Variants in ARHGAP15 observed in about 807,000 individuals in gnomAD.
ARHGAP15 encodes the protein Rho GTPase activating protein 15.
ARHGAP15 carries 51 observed loss-of-function variants against 63.7 expected under a neutral mutation model. The ratio of observed to expected loss-of-function variants is 0.80; its 90% CI spans 0.64 to 1.01. ARHGAP15 has a LOEUF of 1.01. Among genes scored for constraint, ARHGAP15 ranks in the 50% least tolerant of loss-of-function variants. The probability of loss-of-function intolerance (pLI) is 0.00; values close to 1 mark genes in which losing one functional copy is unlikely to be tolerated. For missense variants in ARHGAP15, 560 were observed against 564.6 expected (o/e 0.99, Z 0.08); for synonymous variants, 191 against 193.8 (o/e 0.99, Z 0.12).
chr2:143,725,739 T>C (rs1446786031), intron 13 of ARHGAP15, among the ~76,000 whole-genome samples: 1 of 152,228 alleles, frequency 6.6e-6, no homozygotes, highest in Non-Finnish European at 1.5e-5. Context: ...GAATAATTAA[T>C]ATAACAAAAC....
chr2:143,478,672 T>C (rs1007342546), intron 8 of ARHGAP15, among the ~76,000 whole-genome samples: 1 of 152,018 alleles, frequency 6.6e-6, no homozygotes, highest in African/African-American at 2.4e-5. Context: ...AATTCCTTAT[T>C]ATATAGCAAA....
chr2:143,758,296 A>T (rs984050035), intron 13 of ARHGAP15, among the ~76,000 whole-genome samples: 3 of 151,506 alleles, frequency 2.0e-5, no homozygotes, highest in African/African-American at 7.3e-5. Flanking sequence ...ATATATAAAT[A>T]TATATAAAAT....
chr2:143,271,823 A>G (rs1378652425), intron 6 of ARHGAP15, among the ~76,000 whole-genome samples: 2 of 152,076 alleles, frequency 1.3e-5, no homozygotes, highest in Non-Finnish European at 2.9e-5. Flanking sequence ...GTTCTAACAA[A>G]CTCATTCACT....
intron 6 of ARHGAP15, among the ~76,000 whole-genome samples, chr2:143,433,489 T>C (rs1689475364): frequency 6.6e-6 from 1 of 152,098 alleles, no homozygotes; most frequent in Non-Finnish European, 1.5e-5. Flanking sequence ...AATCACTGAT[T>C]ATGTATGATT....
rs1683273668 is a variant in ARHGAP15 at position 143,308,362 on chromosome 2, T to C, written c.474+57762T>C. Among the ~76,000 whole-genome samples the C allele has an allele frequency of 3.3e-5, 5 of 152,050 alleles. No homozygotes were observed. In the South Asian group the frequency reaches 1.0e-3, roughly 32 times the overall value. On this transcript the variant is annotated intron_variant, in intron 6 of 13. Coordinates refer to ENST00000295095, the MANE Select transcript of ARHGAP15 (RefSeq NM_018460.4). ...GCCAGAAAGAACCACCATGGGATTC[T>C]TGAGGTCGCACTAGCTCACTGGATA... is the stretch of plus-strand genomic sequence containing the variant.
intron 6 of ARHGAP15, among the ~76,000 whole-genome samples, chr2:143,325,937 A>G (rs1437133497): frequency 2.0e-5 from 3 of 152,166 alleles, no homozygotes; most frequent in Non-Finnish European, 4.4e-5. Context: ...TTCCCTAAAT[A>G]TTGCCCACAC....
At chr2:143,258,137 A>G (rs1680517298) in intron 6 of ARHGAP15, among the ~76,000 whole-genome samples, 1 of 152,216 alleles carries the variant, frequency 6.6e-6, no homozygotes, top group South Asian at 2.1e-4. Context: ...ACAGGATGAA[A>G]TAAAATTGAG....
chr2:143,219,299 G>T (rs1459724657), intron 4 of ARHGAP15, among the ~76,000 whole-genome samples: 1 of 152,160 alleles, frequency 6.6e-6, no homozygotes, highest in African/African-American at 2.4e-5. Context: ...AATAGGCTAT[G>T]CCATATAGCC....
intron 13 of ARHGAP15, among the ~76,000 whole-genome samples, chr2:143,746,892 G>A (rs1039995331): frequency 1.3e-5 from 2 of 152,156 alleles, no homozygotes; most frequent in Non-Finnish European, 2.9e-5. Flanking sequence ...AATAAAAATA[G>A]TAGTAATATA....
chr2:143,155,664 A>C lies in ARHGAP15; in HGVS notation c.165+9A>C. The C allele has an allele frequency of 4.5e-6, 7 of 1,541,566 alleles. No homozygotes were observed. The highest frequency in any genetic ancestry group is 6.1e-6 in the Non-Finnish European group (7 of 1,150,092). On this transcript the variant is annotated intron_variant, in intron 2 of 13. Transcript: ENST00000295095. ...GGAAGGTCACTGAACCTGTAAGTCA[A>C]ATACCCCAAATATCCCAAGTTCCTT...
intron 13 of ARHGAP15, among the ~76,000 whole-genome samples, chr2:143,755,405 G>A (rs1302191381): frequency 6.6e-6 from 1 of 151,978 alleles, no homozygotes; most frequent in Non-Finnish European, 1.5e-5. Context: ...TTACTGTTTT[G>A]AAGCAGTCTT....
chr2:143,188,473 A>C (rs1691533905), intron 2 of ARHGAP15, among the ~76,000 whole-genome samples: 1 of 151,818 alleles, frequency 6.6e-6, no homozygotes, highest in Non-Finnish European at 1.5e-5. Flanking sequence ...CTTTTAAAAA[A>C]TTTCCTCCCA....
rs115567796 is a variant in ARHGAP15, at chr2:143,199,213, G to A, written c.166-2921G>A. On this transcript the variant is annotated intron_variant, in intron 2 of 13. Coordinates refer to ENST00000295095, the MANE Select transcript of ARHGAP15 (RefSeq NM_018460.4). The stretch of plus-strand genomic sequence containing the variant: ...ATCACTCCCATTAACTAAGTATTCT[G>A]CCCTCAGTTTCCTCATGCATAGACC... 9.2e-3 allele frequency among the ~76,000 whole-genome samples: 1,395 copies of A among 152,116 alleles called. 26 individuals carry two copies. Among genetic ancestry groups the A allele is most frequent in the African/African-American group, 0.032 (1,323 of 41,528 alleles).
chr2:143,386,816 T>TTTG (rs918831279), intron 6 of ARHGAP15, among the ~76,000 whole-genome samples: 1 of 150,894 alleles, frequency 6.6e-6, no homozygotes, highest in African/African-American at 2.4e-5. Context: ...TTTGGTTTCT[T>TTTG]TTGTTGTTGT....
chr2:143,381,790 C>T (rs1687063486), intron 6 of ARHGAP15, among the ~76,000 whole-genome samples: 1 of 152,116 alleles, frequency 6.6e-6, no homozygotes, highest in Admixed American at 6.6e-5. Context: ...CCAGTGTTTC[C>T]TGAGCAATAG....
At chr2:143,398,413 G>A (rs1237322004) in intron 6 of ARHGAP15, among the ~76,000 whole-genome samples, 5 of 152,078 alleles carry the variant, frequency 3.3e-5, no homozygotes, top group Non-Finnish European at 7.4e-5. Context: ...CATCTGCAGT[G>A]TTGTTGATTT....
chr2:143,558,016 A>T (rs1695878804), intron 11 of ARHGAP15, among the ~76,000 whole-genome samples: 1 of 151,986 alleles, frequency 6.6e-6, no homozygotes, highest in Non-Finnish European at 1.5e-5. Context: ...GGAAAATTAA[A>T]CTGGGTAGCA....
intron 1 of ARHGAP15, among the ~76,000 whole-genome samples, chr2:143,141,184 G>C (rs895828289): frequency 6.6e-6 from 1 of 152,078 alleles, no homozygotes; most frequent in African/African-American, 2.4e-5. Context: ...CAACACTTGG[G>C]ATTTGGAGTC....
chr2:143,382,920 T>C lies in ARHGAP15; in HGVS notation c.475-52681T>C, dbSNP rs535766235. ...AACCACAGCCTTTCAAGAAGCTCTT[T>C]AGTGAACTGTATAAAATTTGCTTGG... On this transcript the variant is annotated intron_variant, in intron 6 of 13. Transcript: ENST00000295095. Among the ~76,000 whole-genome samples the C allele has an allele frequency of 2.7e-4, 41 of 152,312 alleles. 1 individual carries two copies. The South Asian group carries it at 4.3e-3, about 16-fold the overall frequency.
Sources: allele counts gnomAD v4.1 joint callset (sites outside exome capture counted in the v4.1 genomes callset), GRCh38; gene constraint gnomAD v4.1.1; transcripts MANE v1.5; gene names NCBI Gene and HGNC (gene_info 2026-07-23, HGNC 2026-07-21).